The following PARVA variants were observed in gnomAD, a reference collection of about 807,000 sequenced individuals.
PARVA encodes parvin alpha.
PARVA carries 25 observed loss-of-function variants against 52.6 expected under a neutral mutation model. The ratio of observed to expected loss-of-function variants is 0.48; its 90% confidence interval spans 0.35 to 0.66. PARVA has a LOEUF of 0.66. Among genes scored for constraint, PARVA ranks in the 30% least tolerant of loss-of-function variants. PARVA has a pLI of 0.01. For synonymous variants in PARVA, 185 were observed against 179.1 expected (o/e 1.03, Z -0.26); for missense variants, 373 against 450.9 (o/e 0.83, Z 1.56).
intron 1 of PARVA, among the ~76,000 whole-genome samples, chr11:12,417,827 C>A (rs1213077363): frequency 2.0e-5 from 3 of 152,190 alleles, no homozygotes; most frequent in Non-Finnish European, 4.4e-5. Context: ...TTGCTTATGG[C>A]CTGACCTGAG....
chr11:12,424,085 T>G (rs1940192000), intron 1 of PARVA, among the ~76,000 whole-genome samples: 2 of 152,218 alleles, frequency 1.3e-5, no homozygotes. Context: ...GAGCAATGGA[T>G]ATAACTTTGT....
At chr11:12,487,070 G>A (rs1564859975) in intron 4 of PARVA, among the ~76,000 whole-genome samples, 1 of 152,202 alleles carries the variant, frequency 6.6e-6, no homozygotes, top group Non-Finnish European at 1.5e-5. Flanking sequence ...GAAAAGGATA[G>A]TGTCAAATAG....
At chr11:12,400,501 C>G (rs1337850448) in intron 1 of PARVA, among the ~76,000 whole-genome samples, 1 of 152,194 alleles carries the variant, frequency 6.6e-6, no homozygotes, top group Non-Finnish European at 1.5e-5. Flanking sequence ...TTTTTCTCTG[C>G]TCTTGGAATT....
At chr11:12,409,866 T>G (rs1939970129) in intron 1 of PARVA, among the ~76,000 whole-genome samples, 1 of 152,250 alleles carries the variant, frequency 6.6e-6, no homozygotes, top group East Asian at 1.9e-4. Flanking sequence ...AACTGCAGTT[T>G]AGTACATTCC....
intron 7 of PARVA, among the ~76,000 whole-genome samples, chr11:12,510,198 G>C (rs1351646116): frequency 6.6e-6 from 1 of 152,186 alleles, no homozygotes; most frequent in Non-Finnish European, 1.5e-5. Flanking sequence ...TGAGGAAGGA[G>C]ACTGTGCCCT....
At chr11:12,406,105 A>G (rs77876265) in intron 1 of PARVA, among the ~76,000 whole-genome samples, 165 of 152,380 alleles carry the variant, frequency 1.1e-3, no homozygotes, top group African/African-American at 3.8e-3. Context: ...CAGAACCAGT[A>G]GGGAAGATAT....
At chr11:12,401,381 A>C (rs1165193610) in intron 1 of PARVA, among the ~76,000 whole-genome samples, 4 of 152,234 alleles carry the variant, frequency 2.6e-5, no homozygotes, top group African/African-American at 9.6e-5. Context: ...ACACTATTTC[A>C]ATTTCCAAAG....
intron 1 of PARVA, among the ~76,000 whole-genome samples, chr11:12,422,669 C>A (rs1371680101): frequency 6.6e-6 from 1 of 152,160 alleles, no homozygotes; most frequent in Non-Finnish European, 1.5e-5. Flanking sequence ...CTGCTAGTGT[C>A]CTTCTCTTTC....
chr11:12,503,733 CA>C (rs149797718), intron 5 of PARVA, among the ~76,000 whole-genome samples: 5 of 150,182 alleles, frequency 3.3e-5, no homozygotes, highest in African/African-American at 9.8e-5. Context: ...GACCCTGCTT[CA>C]AAAAAAAAGA....
intron 1 of PARVA, among the ~76,000 whole-genome samples, chr11:12,432,217 CAT>C (rs1287292526): frequency 2.6e-5 from 4 of 152,160 alleles, no homozygotes; most frequent in Non-Finnish European, 4.4e-5. Context: ...ATTGCTCACA[CAT>C]GTTAAAGAAT....
chr11:12,532,269 G>A lies in PARVA; in HGVS notation c.*4344G>A, dbSNP rs374037963. ...TAGTAAATGTTAGATGAAAAAAAAAGTCACGTTTAAATATGTTTAGGAAAC... is the reference window on the plus strand; with the variant it reads ...TAGTAAATGTTAGATGAAAAAAAAAATCACGTTTAAATATGTTTAGGAAAC... On this transcript the variant is annotated 3_prime_UTR_variant, in exon 13 of 13. Transcript: ENST00000334956. Among the ~76,000 whole-genome samples, 30 of 152,202 alleles carry A rather than the reference G, an allele frequency of 2.0e-4. No homozygotes were observed. In the East Asian group the frequency reaches 5.0e-3, roughly 25 times the overall value.
At chr11:12,385,720 T>C (rs1939563373) in intron 1 of PARVA, among the ~76,000 whole-genome samples, 1 of 152,212 alleles carries the variant, frequency 6.6e-6, no homozygotes, top group South Asian at 2.1e-4. Context: ...TAATTTTAGT[T>C]ATGGTCACTG....
At chr11:12,464,431 A>C (rs1940827514) in intron 1 of PARVA, among the ~76,000 whole-genome samples, 1 of 152,198 alleles carries the variant, frequency 6.6e-6, no homozygotes, top group Non-Finnish European at 1.5e-5. Flanking sequence ...CAGCATACAC[A>C]TATAGCAGTA....
At chr11:12,429,267 C>A (rs1023602487) in intron 1 of PARVA, among the ~76,000 whole-genome samples, 2 of 152,138 alleles carry the variant, frequency 1.3e-5, no homozygotes, top group Admixed American at 6.5e-5. Flanking sequence ...AGCCACCATG[C>A]CTGGCTCAAA....
Position 12,391,205 on chromosome 11 carries a change from A to C in PARVA, c.136+13422A>C, listed in dbSNP as rs147381608. Among the ~76,000 whole-genome samples, 227 of 152,330 alleles carry C rather than the reference A, an allele frequency of 1.5e-3. 2 individuals are homozygous for C. The highest frequency in any genetic ancestry group is 5.1e-3 in the African/African-American group (212 of 41,584). On this transcript the variant is annotated intron_variant, in intron 1 of 12. Coordinates refer to ENST00000334956, the MANE Select transcript of PARVA (RefSeq NM_018222.5). The stretch of plus-strand genomic sequence containing the variant: ...TTTCACACCTTGTAATGGCCCTGCC[A>C]GGGTGGATGTTAGCACAATTGGGAC...
chr11:12,463,991 T>TC (rs1554897978), intron 1 of PARVA, among the ~76,000 whole-genome samples: 1 of 151,588 alleles, frequency 6.6e-6, no homozygotes, highest in African/African-American at 2.4e-5. Context: ...TTTTTTTTTT[T>TC]TCCTGAGTAC....
intron 1 of PARVA, among the ~76,000 whole-genome samples, chr11:12,440,550 G>A (rs987929982): frequency 2.6e-5 from 4 of 152,316 alleles, no homozygotes; most frequent in Non-Finnish European, 5.9e-5. Flanking sequence ...GAAGTCCAGC[G>A]GGTTCAACTG....
At chr11:12,508,162 G>A (rs1189687754) in intron 6 of PARVA, among the ~76,000 whole-genome samples, 1 of 143,990 alleles carries the variant, frequency 6.9e-6, no homozygotes, top group African/African-American at 2.6e-5. Context: ...TGAATTCCTA[G>A]TTGGCCTCAG....
Position 12,533,238 on chromosome 11 carries a change from T to A in PARVA, c.*5313T>A, listed in dbSNP as rs564585843. Among the ~76,000 whole-genome samples, 700 of 152,286 alleles carry A rather than the reference T, an allele frequency of 4.6e-3. 3 individuals carry two copies. Among genetic ancestry groups the A allele is most frequent in the African/African-American group, 0.015 (635 of 41,558 alleles). Reference sequence around the variant, plus strand: ...TGTGGAGGGAATGAAATAAGGGGCCTACCAGGCCAGAACGCTGATCCATGG... The same window carrying A: ...TGTGGAGGGAATGAAATAAGGGGCCAACCAGGCCAGAACGCTGATCCATGG... On this transcript the variant is annotated 3_prime_UTR_variant, in exon 13 of 13. Transcript: ENST00000334956.
Sources: allele counts gnomAD v4.1 joint callset (sites outside exome capture counted in the v4.1 genomes callset), GRCh38; gene constraint gnomAD v4.1.1; transcripts MANE v1.5; gene names NCBI Gene and HGNC (gene_info 2026-07-23, HGNC 2026-07-21).